The following TENM1 variants were observed in gnomAD, a reference collection of about 807,000 sequenced individuals.
TENM1 encodes the protein teneurin transmembrane protein 1.
TENM1 carries 35 observed loss-of-function variants against 174.8 expected under a neutral mutation model. The ratio of observed to expected loss-of-function variants is 0.20; its 90% CI spans 0.15 to 0.27. The LOEUF is 0.27. Ranked by LOEUF, TENM1 falls within the 10% of genes least tolerant of loss-of-function variation. The pLI, the probability that TENM1 is intolerant of heterozygous loss-of-function variation, is 1.00. For missense variants in TENM1, 1,633 were observed against 2,130.1 expected, an observed-to-expected ratio of 0.77 and a Z score of 4.59; for synonymous variants, 781 against 798.7, an observed-to-expected ratio of 0.98 and a Z score of 0.37.
chrX:124,451,385 CTATT>C (rs1287592860), intron 23 of TENM1, among the ~76,000 whole-genome samples: 1 of 111,497 alleles, frequency 9.0e-6, no homozygotes, highest in East Asian at 2.8e-4. Flanking sequence ...CTAGAAATAG[CTATT>C]TATATACATG....
chrX:124,915,945 A>G (rs1337130034), intron 1 of TENM1, among the ~76,000 whole-genome samples: 1 of 112,367 alleles, frequency 8.9e-6, no homozygotes, highest in African/African-American at 3.2e-5. Flanking sequence ...ATCTGCTGCT[A>G]TCCCAACTGC....
At chrX:124,563,941 T>C (rs5956664) in intron 12 of TENM1, among the ~76,000 whole-genome samples, 169 bp from the exon 16 acceptor site, 9,698 of 111,717 alleles carry the variant, frequency 0.087, 704 homozygotes, top group African/African-American at 0.24. Context: ...AGTTTGTGAA[T>C]AATATTTTCT....
At chrX:125,070,456 T>C in the TENM1 span, among the ~76,000 whole-genome samples, 2 of 111,277 alleles carry the variant, frequency 1.8e-5, no homozygotes, top group Non-Finnish European at 3.8e-5. Flanking sequence ...TTTGCGAATA[T>C]TTTCTACCAT....
intron 3 of TENM1, among the ~76,000 whole-genome samples, chrX:124,851,138 C>G (rs1488756946): frequency 8.9e-6 from 1 of 111,745 alleles, no homozygotes; most frequent in Non-Finnish European, 1.9e-5. Flanking sequence ...CCATCTATGA[C>G]TTTCTCTCTT....
intron 20 of TENM1, among the ~76,000 whole-genome samples, chrX:124,494,448 C>G (rs1602534656): frequency 9.0e-6 from 1 of 111,488 alleles, no homozygotes; most frequent in East Asian, 2.8e-4. Context: ...GGAAAGGAAA[C>G]AGGTTTGTTT....
intron 16 of TENM1, among the ~76,000 whole-genome samples, chrX:124,528,770 T>G (rs888260387): frequency 2.7e-5 from 3 of 111,232 alleles, no homozygotes; most frequent in African/African-American, 9.8e-5. Flanking sequence ...GATGGTTAGT[T>G]AGTAATAAGC....
At position 124,759,441 on chromosome X, in the gene TENM1, C is replaced by A. The variant is rs979163340; in HGVS notation, c.536-22244G>T. Among the ~76,000 whole-genome samples, 4 of 111,222 alleles carry A rather than the reference C, an allele frequency of 3.6e-5. No homozygotes were observed. In the East Asian group the frequency reaches 1.1e-3, roughly 31 times the overall value. The stretch of plus-strand genomic sequence containing the variant: ...ATCACTCAAGTAGTATACACTGAAC[C>A]CAATTTGTAGTCTTTCATCCCTCAC... On this transcript the variant is annotated intron_variant, in intron 3 of 31. Coordinates refer to ENST00000422452, the Ensembl canonical transcript of TENM1.
chrX:125,148,577 TCTCTAA>T, the TENM1 span, among the ~76,000 whole-genome samples: 1 of 111,874 alleles, frequency 8.9e-6, no homozygotes, highest in Non-Finnish European at 1.9e-5. Context: ...CTCAAGTCTG[TCTCTAA>T]CTCTAATTCT....
intron 6 of TENM1, among the ~76,000 whole-genome samples, chrX:124,667,869 AAT>A (rs200376624): frequency 2.3e-4 from 25 of 109,827 alleles, no homozygotes; most frequent in Non-Finnish European, 4.4e-4. Flanking sequence ...GCAGATATAT[AAT>A]ATATATATAT....
chrX:125,165,191 G>A, the TENM1 span, among the ~76,000 whole-genome samples: 1 of 111,704 alleles, frequency 9.0e-6, no homozygotes, highest in African/African-American at 3.3e-5. Context: ...CCATTATGAG[G>A]ATGGAAACGA....
chrX:124,413,101 A>G (rs1363859627), intron 25 of TENM1, among the ~76,000 whole-genome samples: 1 of 111,999 alleles, frequency 8.9e-6, no homozygotes, highest in East Asian at 2.8e-4. Flanking sequence ...TTATACAATA[A>G]AGAAGCATAG....
At chrX:124,925,257 T>C (rs55694345) in intron 1 of TENM1, among the ~76,000 whole-genome samples, 1,381 of 110,860 alleles carry the variant, frequency 0.012, 14 homozygotes, top group African/African-American at 0.043. Flanking sequence ...TCTTTCCCTA[T>C]ATTCACTTCA....
chrX:124,738,787 T>C (rs143210718), intron 3 of TENM1, among the ~76,000 whole-genome samples: 118 of 111,783 alleles, frequency 1.1e-3, no homozygotes, highest in African/African-American at 3.4e-3. Flanking sequence ...CAAAGAAGCA[T>C]AGAATGTTGA....
chrX:124,987,666 T>A, the TENM1 span, among the ~76,000 whole-genome samples: 1 of 109,524 alleles, frequency 9.1e-6, no homozygotes, highest in East Asian at 2.8e-4. Context: ...ATGTTGACAC[T>A]ATGGATGACA....
At chrX:124,577,381 T>C (rs974756322) in intron 11 of TENM1, among the ~76,000 whole-genome samples, 2 of 111,077 alleles carry the variant, frequency 1.8e-5, no homozygotes, top group African/African-American at 3.3e-5. Flanking sequence ...TAAATAAGCA[T>C]GACAGGGGAG....
intron 3 of TENM1, among the ~76,000 whole-genome samples, chrX:124,843,727 CTTGT>C (rs1045586075): frequency 1.8e-5 from 2 of 111,664 alleles, no homozygotes; most frequent in Admixed American, 9.5e-5. Context: ...GGGGTCCAAA[CTTGT>C]TTGTGTTCTT....
intron 6 of TENM1, among the ~76,000 whole-genome samples, chrX:124,665,838 T>C (rs921426322): frequency 6.2e-5 from 7 of 112,041 alleles, no homozygotes; most frequent in African/African-American, 2.3e-4. Context: ...TGGAGAAACT[T>C]GGCTTTTATC....
chrX:125,042,011 C>T, the TENM1 span, among the ~76,000 whole-genome samples: 11 of 111,744 alleles, frequency 9.8e-5, no homozygotes, highest in Non-Finnish European at 1.7e-4. Flanking sequence ...GCTTTAATGA[C>T]TTTTAAAGAA....
At chrX:124,673,782 T>C (rs768025915) in intron 5 of TENM1, among the ~76,000 whole-genome samples, 3 of 111,316 alleles carry the variant, frequency 2.7e-5, no homozygotes, top group South Asian at 7.7e-4. Flanking sequence ...TACACATTCA[T>C]GCATGTGTAT....
Sources: allele counts gnomAD v4.1 joint callset (sites outside exome capture counted in the v4.1 genomes callset), GRCh38; gene constraint gnomAD v4.1.1; transcripts MANE v1.5; gene names NCBI Gene and HGNC (gene_info 2026-07-23, HGNC 2026-07-21).